The following IRAG1 variants were observed in gnomAD, a reference collection of about 807,000 sequenced individuals.
IRAG1 encodes inositol 1,4,5-triphosphate receptor associated 1, also known as IP3R-associated cGMP kinase substrate.
In IRAG1, 62 loss-of-function variants were observed where a neutral mutation model predicts 106.2. That is an observed-to-expected ratio of 0.58 (90% CI 0.48 to 0.72). IRAG1 has a LOEUF of 0.72. IRAG1 is among the 30% of genes least tolerant of loss of function. The probability of loss-of-function intolerance (pLI) is 0.00; values close to 1 mark genes in which losing one functional copy is unlikely to be tolerated. For missense variants in IRAG1, 1,064 were observed against 1,140.7 expected (o/e 0.93, Z 0.97); for synonymous variants, 462 against 443.9 (o/e 1.04, Z -0.51).
chr11:10,618,025 C>G (rs998780509), intron 10 of IRAG1, among the ~76,000 whole-genome samples: 4 of 152,202 alleles, frequency 2.6e-5, no homozygotes, highest in Non-Finnish European at 4.4e-5. Context: ...AAATGAAATT[C>G]AAACTCATTA....
rs940133950 is a variant in IRAG1, at chr11:10,574,475, T to C, written c.*1857A>G. The C allele has an allele frequency of 6.6e-6, 1 of 152,112 alleles. No homozygotes were observed. The highest frequency in any genetic ancestry group is 2.4e-5 in the African/African-American group (1 of 41,408). The allele number at this position is 152,112 out of a possible 1,614,324, so 9.4% of individuals were successfully genotyped here. A position where few individuals can be genotyped will look rare whatever the true frequency, so the allele number is the denominator to read the frequency against. Reference sequence around the variant, plus strand: ...ATGGATACATAAATAGGCCATGGTATACTATAGGTAAAGGTCAATAATAAT... The same window carrying C: ...ATGGATACATAAATAGGCCATGGTACACTATAGGTAAAGGTCAATAATAAT... On this transcript the variant is annotated 3_prime_UTR_variant, in exon 21 of 21. Transcript: ENST00000423302.
chr11:10,580,164 C>A (rs1296063882), intron 20 of IRAG1, among the ~76,000 whole-genome samples: 1 of 152,218 alleles, frequency 6.6e-6, no homozygotes, highest in Non-Finnish European at 1.5e-5. Context: ...ATTCAGGGCC[C>A]TTCGCCCTTC....
intron 1 of IRAG1, among the ~76,000 whole-genome samples, chr11:10,689,598 C>T (rs1861910233): frequency 6.6e-6 from 1 of 151,922 alleles, no homozygotes; most frequent in Non-Finnish European, 1.5e-5. Flanking sequence ...GAGAAAGTCC[C>T]CAAAGAAAAA....
At chr11:10,658,349 T>A (rs1859097697) in intron 1 of IRAG1, 1 of 152,332 alleles carries the variant, frequency 6.6e-6, no homozygotes, top group South Asian at 2.1e-4. Flanking sequence ...CTGGCCTCAG[T>A]TCCCTCATTT....
At chr11:10,622,630 G>C (rs778363009) in intron 10 of IRAG1, among the ~76,000 whole-genome samples, 2 of 151,858 alleles carry the variant, frequency 1.3e-5, no homozygotes, top group African/African-American at 2.4e-5. Flanking sequence ...TCAGCCTCCC[G>C]GGTAGCTGGG....
chr11:10,598,607 G>A lies in IRAG1; in HGVS notation c.2017+2311C>T, dbSNP rs1278004069. 2.0e-5 allele frequency among the ~76,000 whole-genome samples: 3 copies of A among 152,180 alleles called. No homozygotes were observed. In the East Asian group the frequency reaches 5.8e-4, roughly 29 times the overall value. ...CACAATTGTGGCCTATCAAAGTCAT[G>A]GATATTTACAAAAAGAAAGAACAAG... On this transcript the variant is annotated intron_variant, in intron 15 of 20. Coordinates refer to ENST00000423302, the MANE Select transcript of IRAG1 (RefSeq NM_130385.4).
chr11:10,625,174 T>C (rs949868886), intron 9 of IRAG1, among the ~76,000 whole-genome samples: 6 of 152,142 alleles, frequency 3.9e-5, no homozygotes, highest in African/African-American at 1.4e-4. Context: ...GGCACCTTCT[T>C]TTCTTCCCTG....
chr11:10,605,007 C>T (rs1167672517), intron 12 of IRAG1, among the ~76,000 whole-genome samples: 1 of 152,204 alleles, frequency 6.6e-6, no homozygotes, highest in Non-Finnish European at 1.5e-5. Flanking sequence ...AAGCAAACTT[C>T]AATCAGCATC....
intron 1 of IRAG1, among the ~76,000 whole-genome samples, chr11:10,673,779 A>G (rs1200377617): frequency 6.6e-6 from 1 of 152,126 alleles, no homozygotes; most frequent in East Asian, 1.9e-4. Context: ...AAACATAAAC[A>G]TTAGAAATTA....
chr11:10,644,796 C>T (rs566863003), intron 2 of IRAG1, among the ~76,000 whole-genome samples: 1 of 152,254 alleles, frequency 6.6e-6, no homozygotes, highest in African/African-American at 2.4e-5. Context: ...GGTCACACAC[C>T]TTTTCTCTAG....
chr11:10,631,605 C>G (rs1254704147), intron 4 of IRAG1, among the ~76,000 whole-genome samples: 7 of 152,208 alleles, frequency 4.6e-5, no homozygotes, highest in Non-Finnish European at 1.0e-4. Flanking sequence ...CAGGGCAGAT[C>G]GTGAGCCACC....
chr11:10,664,452 G>A (rs1859640533), intron 1 of IRAG1, among the ~76,000 whole-genome samples: 1 of 152,226 alleles, frequency 6.6e-6, no homozygotes, highest in South Asian at 2.1e-4. Flanking sequence ...GCCTTGTGGG[G>A]AGTGAAGAGC....
chr11:10,593,724 G>C (rs1852942272), intron 16 of IRAG1, 125 bp from the exon 17 acceptor site: 1 of 754,004 alleles, frequency 1.3e-6, no homozygotes, highest in African/African-American at 1.8e-5. Context: ...TTTTGGTTTT[G>C]CAGTAGCAAT....
chr11:10,643,093 T>A (rs1857646396), intron 2 of IRAG1, among the ~76,000 whole-genome samples: 1 of 138,968 alleles, frequency 7.2e-6, no homozygotes, highest in South Asian at 2.2e-4. Flanking sequence ...GAGAATGGCG[T>A]GAACCCAGGA....
intron 13 of IRAG1, 97 bp downstream of exon 13, chr11:10,604,308 A>G (rs1400170513): frequency 6.8e-7 from 1 of 1,471,738 alleles, no homozygotes; most frequent in African/African-American, 1.4e-5. Context: ...TCACTTCAGG[A>G]GACTATACTT....
chr11:10,687,868 CT>C (rs61314456), intron 1 of IRAG1: 89 of 1,044,952 alleles, frequency 8.5e-5, no homozygotes, highest in East Asian at 2.1e-4. Context: ...TTTAGCTTTG[CT>C]TTTTTTTGGG....
At chr11:10,661,875 G>T (rs563013728) in intron 1 of IRAG1, among the ~76,000 whole-genome samples, 4 of 152,134 alleles carry the variant, frequency 2.6e-5, no homozygotes, top group Admixed American at 6.5e-5. Flanking sequence ...GGGGAGGGGG[G>T]AGTATTCAGC....
chr11:10,638,507 CTGACTG>C (rs1178614896), intron 2 of IRAG1, among the ~76,000 whole-genome samples: 3 of 123,952 alleles, frequency 2.4e-5, no homozygotes, highest in Non-Finnish European at 5.5e-5. Flanking sequence ...AATGGAAACT[CTGACTG>C]TGCTTATAGC....
intron 2 of IRAG1, among the ~76,000 whole-genome samples, chr11:10,638,108 G>A (rs1857267695): frequency 6.6e-6 from 1 of 152,184 alleles, no homozygotes; most frequent in South Asian, 2.1e-4. Flanking sequence ...TAAGCAATCA[G>A]CATCCTCTGA....
Sources: allele counts gnomAD v4.1 joint callset (sites outside exome capture counted in the v4.1 genomes callset), GRCh38; gene constraint gnomAD v4.1.1; transcripts MANE v1.5; gene names NCBI Gene and HGNC (gene_info 2026-07-23, HGNC 2026-07-21).